PASD1: variants seen among roughly 807,000 people sequenced by gnomAD.
The protein encoded by PASD1 is PAS domain containing repressor 1, also known as circadian clock protein PASD1.
Under a neutral mutation model 58.8 loss-of-function variants are expected in PASD1, and 13 were observed. That is an observed-to-expected ratio of 0.22 (90% CI 0.14 to 0.35). PASD1 has a LOEUF of 0.35. Among genes scored for constraint, PASD1 ranks in the 10% least tolerant of loss-of-function variants. PASD1 has a pLI of 1.00. For missense variants in PASD1, 734 were observed against 568.3 expected (o/e 1.29, Z -2.96); for synonymous variants, 236 against 216.7 (o/e 1.09, Z -0.78).
chrX:151,571,061 G>A (rs950517412), intron 1 of PASD1, among the ~76,000 whole-genome samples: 1 of 111,891 alleles, frequency 8.9e-6, no homozygotes, highest in Non-Finnish European at 1.9e-5. Context: ...TGGACAGATA[G>A]GCTTTGTGCA....
At chrX:151,611,809 T>C in intron 4 of PASD1, 56 bp downstream of exon 4, 1 of 893,033 alleles carries the variant, frequency 1.1e-6, no homozygotes, top group Non-Finnish European at 1.6e-6. Flanking sequence ...GTTTAGGGGT[T>C]CATTATTTAT....
intron 3 of PASD1, among the ~76,000 whole-genome samples, chrX:151,608,221 T>C (rs768330751): frequency 1.8e-5 from 2 of 111,804 alleles, no homozygotes; most frequent in South Asian, 7.6e-4. Flanking sequence ...TAACAATTTA[T>C]TGTCTAATTT....
chrX:151,623,993 G>A (rs923668506), intron 7 of PASD1, among the ~76,000 whole-genome samples: 4 of 111,585 alleles, frequency 3.6e-5, no homozygotes, highest in African/African-American at 1.3e-4. Context: ...ATCAGTTTGG[G>A]TTTTATTTCA....
intron 1 of PASD1, among the ~76,000 whole-genome samples, chrX:151,599,889 G>A (rs985502955): frequency 1.8e-5 from 2 of 111,923 alleles, no homozygotes; most frequent in Non-Finnish European, 3.8e-5. Flanking sequence ...CTGCAATCTT[G>A]GCACTTTGGG....
chrX:151,653,196 A>ATT (rs1256565605), intron 9 of PASD1, among the ~76,000 whole-genome samples: 9 of 84,675 alleles, frequency 1.1e-4, no homozygotes, highest in South Asian at 1.2e-3. Flanking sequence ...ATATATATAT[A>ATT]TTTTTTTTTT....
Position 151,563,837 on chromosome X carries a change from A to G in PASD1, c.-30A>G, listed in dbSNP as rs2012784244. On this transcript the variant is annotated splice_region_variant and 5_prime_UTR_variant, in exon 1 of 16. Coordinates refer to ENST00000370357, the MANE Select transcript of PASD1 (RefSeq NM_173493.3). Reference sequence around the variant, plus strand: ...GCCTCCAGCAGTGAAGAGTTCCACAAGGGTGAGTGAAGTCCGTTAATGAAA... The same window carrying G: ...GCCTCCAGCAGTGAAGAGTTCCACAGGGGTGAGTGAAGTCCGTTAATGAAA... The G allele has an allele frequency of 8.9e-6, 1 of 112,155 alleles. No individual in the cohort carries two copies. Among genetic ancestry groups the G allele is most frequent in the Non-Finnish European group, 1.9e-5 (1 of 53,133 alleles). 9.2% of individuals were successfully genotyped at this position (112,155 alleles called of 1,213,427 possible). A position where few individuals can be genotyped will look rare whatever the true frequency, so the allele number is the denominator to read the frequency against.
chrX:151,594,021 T>C (rs1334617949), intron 1 of PASD1, among the ~76,000 whole-genome samples: 1 of 111,788 alleles, frequency 8.9e-6, no homozygotes, highest in Non-Finnish European at 1.9e-5. Flanking sequence ...TCACCCAGGC[T>C]GGAATGCAGT....
intron 11 of PASD1, among the ~76,000 whole-genome samples, chrX:151,667,562 G>T (rs2014400275): frequency 1.8e-5 from 2 of 112,226 alleles, no homozygotes; most frequent in Admixed American, 1.9e-4. Context: ...TTTGTATAAG[G>T]TGTAAGGAAG....
chrX:151,651,283 T>C (rs1392884413), intron 9 of PASD1, among the ~76,000 whole-genome samples: 1 of 112,163 alleles, frequency 8.9e-6, no homozygotes, highest in Non-Finnish European at 1.9e-5. Flanking sequence ...AGGTGACTTA[T>C]GTTAGTAGCC....
At chrX:151,624,220 A>T (rs749816777) in intron 7 of PASD1, among the ~76,000 whole-genome samples, 5 of 111,110 alleles carry the variant, frequency 4.5e-5, no homozygotes, top group Admixed American at 9.6e-5. Context: ...GATGAGTTAG[A>T]AGTGTCTAGG....
At chrX:151,604,829 T>C in intron 3 of PASD1, 95 bp downstream of exon 3, 3 of 669,784 alleles carry the variant, frequency 4.5e-6, no homozygotes, top group Non-Finnish European at 6.8e-6. Flanking sequence ...TAGGAGATCA[T>C]ATGCATTAGA....
At chrX:151,572,669 T>A (rs1281923318) in intron 1 of PASD1, among the ~76,000 whole-genome samples, 1 of 111,158 alleles carries the variant, frequency 9.0e-6, no homozygotes, top group East Asian at 2.8e-4. Context: ...GTCAATATTT[T>A]AAATTGAAAA....
chrX:151,665,888 A>ATG (rs1335879199), intron 11 of PASD1, among the ~76,000 whole-genome samples: 1 of 99,132 alleles, frequency 1.0e-5, no homozygotes, highest in Non-Finnish European at 2.0e-5. Context: ...ACGCGCGTGC[A>ATG]TGTGTGTGTG....
At chrX:151,588,188 G>A (rs2013195529) in intron 1 of PASD1, among the ~76,000 whole-genome samples, 1 of 111,845 alleles carries the variant, frequency 8.9e-6, no homozygotes, top group Non-Finnish European at 1.9e-5. Context: ...TCCTTTGCTT[G>A]AGCAATTGTT....
chrX:151,672,270 GTGCAGAAGCAGAAGAAGA>G lies in PASD1; in HGVS notation c.1531_1548del (p.Lys511_Gln516del). 1.7e-6 allele frequency: 2 copies of G among 1,167,583 alleles called. No individual in the cohort carries two copies. Among genetic ancestry groups the G allele is most frequent in the Middle Eastern group, 2.6e-4 (1 of 3,822 alleles). On this transcript the variant is annotated inframe_deletion, in exon 14 of 16. Coordinates refer to ENST00000370357, the MANE Select transcript of PASD1 (RefSeq NM_173493.3). ...GCAACAGCTGAGAGAGCAAAGGAAG[GTGCAGAAGCAGAAGAAGA>G]TGCAGGAGAAGAAGAAGCTGCAGGA...
intron 8 of PASD1, among the ~76,000 whole-genome samples, chrX:151,636,416 A>G (rs754733335): frequency 1.3e-3 from 146 of 109,679 alleles, no homozygotes; most frequent in Non-Finnish European, 2.2e-3. Flanking sequence ...CTTTTTTTTA[A>G]TTTGTTGAGA....
At chrX:151,649,371 AC>A (rs1174047312) in intron 9 of PASD1, among the ~76,000 whole-genome samples, 3 of 111,932 alleles carry the variant, frequency 2.7e-5, no homozygotes, top group Non-Finnish European at 5.6e-5. Flanking sequence ...AGAAAACATG[AC>A]CGAGACATCA....
intron 11 of PASD1, among the ~76,000 whole-genome samples, chrX:151,666,541 C>T (rs1296544525): frequency 9.4e-6 from 1 of 105,858 alleles, no homozygotes; most frequent in African/African-American, 3.5e-5. Context: ...CCACTCCCCC[C>T]ACCCCATGAC....
At chrX:151,589,164 C>T (rs2013212057) in intron 1 of PASD1, among the ~76,000 whole-genome samples, 1 of 111,707 alleles carries the variant, frequency 9.0e-6, no homozygotes, top group African/African-American at 3.3e-5. Context: ...GGGACAATGT[C>T]ACTTCTGCGC....
Sources: allele counts gnomAD v4.1 joint callset (sites outside exome capture counted in the v4.1 genomes callset), GRCh38; gene constraint gnomAD v4.1.1; transcripts MANE v1.5; gene names NCBI Gene and HGNC (gene_info 2026-07-23, HGNC 2026-07-21).